The following ATG4B variants were observed in gnomAD, a reference collection of about 807,000 sequenced individuals.
The protein encoded by ATG4B is cysteine protease ATG4B.
A neutral mutation model predicts 56.6 loss-of-function variants in ATG4B; 29 were observed. That is an observed-to-expected ratio of 0.51 (90% CI 0.38 to 0.70). The LOEUF is 0.70. Among genes scored for constraint, ATG4B ranks in the 30% least tolerant of loss-of-function variants. The pLI, the probability that ATG4B is intolerant of heterozygous loss-of-function variation, is 0.00. For missense variants in ATG4B, 461 were observed against 515.5 expected (o/e 0.89, Z 1.02); for synonymous variants, 224 against 206.1 (o/e 1.09, Z -0.74).
intron 7 of ATG4B, chr2:241,659,541 T>TG (rs1368173510): frequency 5.5e-6 from 2 of 364,046 alleles, no homozygotes; most frequent in Non-Finnish European, 1.1e-5. Flanking sequence ...GACAGAGAGA[T>TG]GTAGCAACCA....
chr2:241,649,158 C>G (rs1168184495), intron 1 of ATG4B, among the ~76,000 whole-genome samples: 3 of 152,200 alleles, frequency 2.0e-5, no homozygotes, highest in Non-Finnish European at 2.9e-5. Flanking sequence ...TCTGACTGCC[C>G]CCTGCCTCCC....
At position 241,651,930 on chromosome 2, in the gene ATG4B, T is replaced by G. The variant is rs1471100746; in HGVS notation, c.184+595T>G. The G allele has an allele frequency of 7.7e-7, 1 of 1,304,148 alleles. No individual in the cohort carries two copies. The highest frequency in any genetic ancestry group is 1.2e-5 in the South Asian group (1 of 81,020). The allele number at this position is 1,304,148 out of a possible 1,614,324, so 80.8% of individuals were successfully genotyped here. ...CCTGGAGCTGGAAGGAGATGGGGAC[T>G]GGTTCTCAGCCTTGCCTCTCACCGG... On this transcript the variant is annotated intron_variant, in intron 3 of 12. Coordinates refer to ENST00000404914, the MANE Select transcript of ATG4B (RefSeq NM_013325.5). The surrounding 1 kb of genome is among the most constrained non-coding windows in gnomAD (Gnocchi z 4.1).
At chr2:241,659,359 C>T (rs1033567845) in intron 7 of ATG4B, 172 bp downstream of exon 7, 23 of 693,074 alleles carry the variant, frequency 3.3e-5, no homozygotes, top group African/African-American at 3.0e-4. Context: ...CCTCGCTCTC[C>T]TATCCCGGCG....
chr2:241,654,266 C>G (rs957494816), intron 4 of ATG4B, among the ~76,000 whole-genome samples: 1 of 151,718 alleles, frequency 6.6e-6, no homozygotes, highest in African/African-American at 2.4e-5. Context: ...ACTAAAAACA[C>G]AAAAATTAGC....
At position 241,672,242 on chromosome 2, in the gene ATG4B, A is replaced by G. The variant is rs774766601; in HGVS notation, c.1160A>G (p.Asp387Gly). 6.3e-7 allele frequency: 1 copy of G among 1,583,056 alleles called. No homozygotes were observed. ...AGATTCTTCGACTCAGAAGATGAAGACTTTGAAATCCTGTCCCTTTGAAAA... is the reference window on the plus strand; with the variant it reads ...AGATTCTTCGACTCAGAAGATGAAGGCTTTGAAATCCTGTCCCTTTGAAAA... ...LERFFDSEDE[D>G]FEILSL is the part of the protein sequence containing the mutation. Residue 387 changes from aspartate (D) to glycine (G), a missense_variant, in exon 13 of 13, where the codon GAC becomes GGC. Coordinates refer to ENST00000404914, the MANE Select transcript of ATG4B (RefSeq NM_013325.5).
intron 7 of ATG4B, among the ~76,000 whole-genome samples, chr2:241,666,042 C>T (rs973321063): frequency 6.6e-6 from 1 of 152,226 alleles, no homozygotes; most frequent in African/African-American, 2.4e-5. Flanking sequence ...CCCTTATGTT[C>T]TGGGTTAAGC....
In ATG4B at chr2:241,672,178, C is replaced by T; in HGVS notation, c.1109-13C>T. Reference sequence around the variant, plus strand: ...CCCAAGATGCCTGATGCGCTATGTCCTGTTCCTTCTAGATTCTTCTGATGT... The same window carrying T: ...CCCAAGATGCCTGATGCGCTATGTCTTGTTCCTTCTAGATTCTTCTGATGT... On this transcript the variant is annotated splice_polypyrimidine_tract_variant and intron_variant, in intron 12 of 12. Transcript: ENST00000404914. 4.5e-6 allele frequency: 7 copies of T among 1,569,938 alleles called. No individual in the cohort carries two copies. The highest frequency in any genetic ancestry group is 6.1e-6 in the Non-Finnish European group (7 of 1,157,016).
intron 12 of ATG4B, 128 bp from the exon 13 acceptor site, chr2:241,672,063 C>T (rs942361624): frequency 3.3e-5 from 48 of 1,476,838 alleles, no homozygotes; most frequent in Non-Finnish European, 3.8e-5. Flanking sequence ...TGTTCACACC[C>T]GCATGGGGAC....
At position 241,645,672 on chromosome 2, in the gene ATG4B, G is replaced by A. The variant is rs146150951; in HGVS notation, c.11-5338G>A. On this transcript the variant is annotated intron_variant, in intron 1 of 12. Coordinates refer to ENST00000404914, the MANE Select transcript of ATG4B (RefSeq NM_013325.5). Reference sequence around the variant, plus strand: ...TCAGACTTCTGACTCCACAGCTGGCGCTCCAGCTGTCAGGAACGTGCTCCA... The same window carrying A: ...TCAGACTTCTGACTCCACAGCTGGCACTCCAGCTGTCAGGAACGTGCTCCA... Among the ~76,000 whole-genome samples the A allele has an allele frequency of 1.5e-3, 226 of 152,296 alleles. 2 individuals carry two copies. Among genetic ancestry groups the A allele is most frequent in the African/African-American group, 5.1e-3 (214 of 41,556 alleles).
At chr2:241,672,132 G>A (rs34859751) in intron 12 of ATG4B, 59 bp from the exon 13 acceptor site, 302,241 of 1,547,716 alleles carry the variant, frequency 0.2, 30,551 homozygotes, top group East Asian at 0.27. Context: ...AAGGGCCCTT[G>A]ACTCACACCC....
chr2:241,661,200 C>A (rs1167799583), intron 7 of ATG4B, among the ~76,000 whole-genome samples: 1 of 152,226 alleles, frequency 6.6e-6, no homozygotes, highest in African/African-American at 2.4e-5. Context: ...TGACTGGCTT[C>A]GTCTCACTGC....
rs1280756079 is a variant in ATG4B at position 241,668,908 on chromosome 2, A to G, written c.957+223A>G. 3.2e-5 allele frequency: 20 copies of G among 622,022 alleles called. No individual in the cohort carries two copies. The highest frequency in any genetic ancestry group is 4.9e-5 in the Non-Finnish European group (18 of 365,316). 38.5% of individuals were successfully genotyped at this position (622,022 alleles called of 1,614,324 possible). On this transcript the variant is annotated intron_variant, in intron 10 of 12. Coordinates refer to ENST00000404914, the MANE Select transcript of ATG4B (RefSeq NM_013325.5). The surrounding 1 kb of genome is among the most constrained non-coding windows in gnomAD (Gnocchi z 4.2). ...TCCTGTGCAGCCTTCATGGCCTTCG[A>G]GTGGCCCAGAGAGCGTGTGTCTGGA...
intron 10 of ATG4B, among the ~76,000 whole-genome samples, chr2:241,670,385 CAG>C (rs1014843907): frequency 6.6e-6 from 1 of 152,106 alleles, no homozygotes; most frequent in Non-Finnish European, 1.5e-5. Flanking sequence ...CTCACAGTCA[CAG>C]AGAGAAGAGC....
At chr2:241,641,127 G>A (rs530975398) in intron 1 of ATG4B, among the ~76,000 whole-genome samples, 9 of 152,338 alleles carry the variant, frequency 5.9e-5, no homozygotes, top group African/African-American at 1.7e-4. Context: ...GTGGGTAAGA[G>A]GTTGACTTCT....
intron 1 of ATG4B, among the ~76,000 whole-genome samples, chr2:241,647,538 A>G (rs987482569): frequency 2.7e-5 from 4 of 150,208 alleles, no homozygotes; most frequent in African/African-American, 9.8e-5. Context: ...GGAGAATGGC[A>G]TGAGCCGGGA....
intron 7 of ATG4B, among the ~76,000 whole-genome samples, chr2:241,666,014 G>A (rs574698464): frequency 5.3e-5 from 8 of 152,312 alleles, no homozygotes; most frequent in East Asian, 1.9e-4. Context: ...GGCGTTTTTC[G>A]TTTATGTTTT....
At chr2:241,663,217 A>G (rs2068645341) in intron 7 of ATG4B, among the ~76,000 whole-genome samples, 1 of 152,212 alleles carries the variant, frequency 6.6e-6, no homozygotes. Flanking sequence ...TGTGTGACAC[A>G]GTAAGACTGT....
rs1271167997 is a variant in ATG4B, at chr2:241,653,637, A to G, written c.283+27A>G. The stretch of plus-strand genomic sequence containing the variant: ...TGAGTCACAGCCCTGGGGAGGGCGC[A>G]TGGCCACGGTGTTCTCAGGAAGCAA... On this transcript the variant is annotated intron_variant, in intron 4 of 12. Transcript: ENST00000404914. The G allele has an allele frequency of 9.7e-6, 15 of 1,551,768 alleles. No individual in the cohort carries two copies. In the East Asian group the frequency reaches 1.5e-4, roughly 15 times the overall value.
chr2:241,664,267 G>A (rs981207720), intron 7 of ATG4B, among the ~76,000 whole-genome samples: 10 of 152,064 alleles, frequency 6.6e-5, no homozygotes, highest in Admixed American at 2.0e-4. Context: ...TGTGGCTCCC[G>A]CCTGTAATCC....
Sources: allele counts gnomAD v4.1 joint callset (sites outside exome capture counted in the v4.1 genomes callset), GRCh38; gene constraint gnomAD v4.1.1; non-coding constraint Gnocchi (gnomAD v3.1); transcripts MANE v1.5; gene names NCBI Gene and HGNC (gene_info 2026-07-23, HGNC 2026-07-21).